The following MED13 variants were observed in gnomAD, a reference collection of about 807,000 sequenced individuals.
The protein encoded by MED13 is mediator of RNA polymerase II transcription subunit 13.
MED13 carries 23 observed loss-of-function variants against 225.2 expected under a neutral mutation model. The ratio of observed to expected loss-of-function variants is 0.10; its 90% confidence interval spans 0.07 to 0.14. MED13 has a LOEUF of 0.14. MED13 is among the 10% of genes least tolerant of loss of function. The probability of loss-of-function intolerance (pLI) is 1.00; values close to 1 mark genes in which losing one functional copy is unlikely to be tolerated. For missense variants in MED13, 2,197 were observed against 2,594.5 expected (o/e 0.85, Z 3.33); for synonymous variants, 942 against 889.2 (o/e 1.06, Z -1.06).
Position 62,010,609 on chromosome 17 carries a change from A to G in MED13, c.1908T>C (p.Asp636=). The G allele has an allele frequency of 3.3e-6, 5 of 1,493,210 alleles. No homozygotes were observed. Among genetic ancestry groups the G allele is most frequent in the Non-Finnish European group, 3.6e-6 (4 of 1,120,542 alleles). The allele number at this position is 1,493,210 out of a possible 1,614,324, so 92.5% of individuals were successfully genotyped here. The stretch of plus-strand genomic sequence containing the variant: ...GTCCAACTGGATCATCCTTGAATTT[A>G]TCACTTGGAAGTTGAGGTGGTAAAA... ...VEFLPPQLPS[D]KFKDDPVGPF... Residue 636 remains aspartate, a synonymous_variant, in exon 9 of 30, where the codon GAT becomes GAC. Coordinates refer to ENST00000397786, the MANE Select transcript of MED13 (RefSeq NM_005121.3).
chr17:61,992,701 G>GACACACAGCTCC, intron 10 of MED13, 80 bp from the exon 11 acceptor site: 1 of 935,082 alleles, frequency 1.1e-6, no homozygotes, highest in Non-Finnish European at 1.7e-6. Context: ...GGAGCTGTGT[G>GACACACAGCTCC]TCAGGCATCC....
At chr17:62,014,555 G>T (rs2080544798) in intron 8 of MED13, among the ~76,000 whole-genome samples, 2 of 152,080 alleles carry the variant, frequency 1.3e-5, no homozygotes, top group Non-Finnish European at 2.9e-5. Flanking sequence ...GACCTCAAAA[G>T]ATCTACCCAC....
At chr17:62,045,234 A>G (rs1374053771) in intron 3 of MED13, among the ~76,000 whole-genome samples, 1 of 152,210 alleles carries the variant, frequency 6.6e-6, no homozygotes, top group Non-Finnish European at 1.5e-5. Flanking sequence ...CTTTACTAGT[A>G]TGTTTCTATT....
intron 3 of MED13, among the ~76,000 whole-genome samples, chr17:62,048,785 G>T (rs1397032969): frequency 1.3e-5 from 2 of 152,034 alleles, no homozygotes; most frequent in African/African-American, 4.8e-5. Flanking sequence ...AATAAAAAGA[G>T]TCAAGTCCCC....
intron 21 of MED13, among the ~76,000 whole-genome samples, chr17:61,962,447 T>C (rs1230854614): frequency 6.6e-6 from 1 of 152,210 alleles, no homozygotes; most frequent in African/African-American, 2.4e-5. Flanking sequence ...CTGTCTTGTT[T>C]AGGTACATGC....
At chr17:62,008,801 ATCCTAGAG>A (rs946562890) in intron 9 of MED13, among the ~76,000 whole-genome samples, 35 of 152,188 alleles carry the variant, frequency 2.3e-4, no homozygotes, top group African/African-American at 8.4e-4. Flanking sequence ...TCAAAATGAA[ATCCTAGAG>A]AGCTGAAAAC....
intron 2 of MED13, among the ~76,000 whole-genome samples, chr17:62,061,948 T>A (rs2081042347): frequency 6.6e-6 from 1 of 152,208 alleles, no homozygotes; most frequent in Non-Finnish European, 1.5e-5. Flanking sequence ...AGTATGTTCA[T>A]TAGAATGTGA....
At position 61,944,661 on chromosome 17, in the gene MED13, C is replaced by A. The variant is rs961175716; in HGVS notation, c.*1807G>T. On this transcript the variant is annotated 3_prime_UTR_variant, in exon 30 of 30. Transcript: ENST00000397786. ...TATTTAATTCTAAGCACAGAGTATT[C>A]ACAAAAACAAGTTTCAGTAAAAAAA... 1.3e-5 allele frequency: 2 copies of A among 151,866 alleles called. No homozygotes were observed. The highest frequency in any genetic ancestry group is 1.5e-5 in the Non-Finnish European group (1 of 67,930). The allele number at this position is 151,866 out of a possible 1,614,324, so 9.4% of individuals were successfully genotyped here.
At chr17:61,994,689 T>C (rs534531047) in intron 10 of MED13, among the ~76,000 whole-genome samples, 1 of 152,330 alleles carries the variant, frequency 6.6e-6, no homozygotes, top group African/African-American at 2.4e-5. Flanking sequence ...GTGCTTGATT[T>C]ACCCATTCAA....
chr17:62,011,253 G>A lies in MED13; in HGVS notation c.1284-20C>T, dbSNP rs982985957. 3 of 1,591,714 alleles carry A rather than the reference G, an allele frequency of 1.9e-6. No individual in the cohort carries two copies. Among genetic ancestry groups the A allele is most frequent in the East Asian group, 2.2e-5 (1 of 44,734 alleles). ...TTGTGCCTGAAAAGTGAAAATAAAG[G>A]TTTCATATTTACAGTATCACTATTA... On this transcript the variant is annotated intron_variant, in intron 8 of 29. Coordinates refer to ENST00000397786, the MANE Select transcript of MED13 (RefSeq NM_005121.3).
intron 17 of MED13, among the ~76,000 whole-genome samples, chr17:61,969,038 C>A (rs1430310496): frequency 1.3e-5 from 2 of 152,126 alleles, no homozygotes; most frequent in Non-Finnish European, 2.9e-5. Context: ...GTGCAGGAGC[C>A]ACCACGTCTG....
intron 8 of MED13, among the ~76,000 whole-genome samples, chr17:62,022,293 T>A (rs1020455190): frequency 5.3e-5 from 8 of 151,960 alleles, no homozygotes; most frequent in African/African-American, 1.9e-4. Context: ...TAGGACACCT[T>A]CTGTCACAGA....
intron 8 of MED13, among the ~76,000 whole-genome samples, chr17:62,024,900 G>A (rs1018439695): frequency 6.6e-6 from 1 of 152,124 alleles, no homozygotes; most frequent in Non-Finnish European, 1.5e-5. Context: ...ATTCCATGGT[G>A]TACATGCACA....
chr17:62,000,735 T>C (rs1290538710), intron 9 of MED13, among the ~76,000 whole-genome samples: 1 of 152,206 alleles, frequency 6.6e-6, no homozygotes, highest in Non-Finnish European at 1.5e-5. Context: ...GACCTTACTT[T>C]CATAAGGTGT....
chr17:62,045,342 A>G (rs1256163827), intron 3 of MED13, among the ~76,000 whole-genome samples: 2 of 152,150 alleles, frequency 1.3e-5, no homozygotes, highest in African/African-American at 4.8e-5. Flanking sequence ...CATGACAAAA[A>G]GCTTAACCAA....
intron 8 of MED13, among the ~76,000 whole-genome samples, chr17:62,020,231 CTTTT>C (rs202093070): frequency 6.8e-6 from 1 of 146,398 alleles, no homozygotes; most frequent in African/African-American, 2.5e-5. Flanking sequence ...AGCAGCCTTT[CTTTT>C]TTTTTTTATG....
intron 8 of MED13, 137 bp from the exon 9 acceptor site, chr17:62,011,370 G>A: frequency 2.5e-6 from 2 of 795,224 alleles, no homozygotes; most frequent in African/African-American, 1.8e-5. Context: ...ATTTGAATTT[G>A]AAAGGGGAAA....
chr17:61,949,725 T>C (rs949984639), intron 28 of MED13, among the ~76,000 whole-genome samples: 23 of 151,956 alleles, frequency 1.5e-4, no homozygotes, highest in Admixed American at 1.3e-4. Context: ...TCTCACTCTG[T>C]CACCCAGGCT....
chr17:62,037,598 C>T (rs1022654805), intron 3 of MED13, among the ~76,000 whole-genome samples: 50 of 145,428 alleles, frequency 3.4e-4, no homozygotes, highest in Non-Finnish European at 1.3e-4. Flanking sequence ...ACCCAGGAGA[C>T]GCAGGTTGCA....
Sources: allele counts gnomAD v4.1 joint callset (sites outside exome capture counted in the v4.1 genomes callset), GRCh38; gene constraint gnomAD v4.1.1; transcripts MANE v1.5; gene names NCBI Gene and HGNC (gene_info 2026-07-23, HGNC 2026-07-21).